The following WDPCP variants were observed in gnomAD, a reference collection of about 807,000 sequenced individuals.
The protein encoded by WDPCP is WD repeat containing planar cell polarity effector.
WDPCP carries 71 observed loss-of-function variants against 93.1 expected under a neutral mutation model. The observed-to-expected ratio is 0.76, with a 90% CI of 0.63 to 0.93. WDPCP has a LOEUF of 0.93. Among genes scored for constraint, WDPCP ranks in the 40% least tolerant of loss-of-function variants. WDPCP has a pLI of 0.00. For synonymous variants in WDPCP, 315 were observed against 315.0 expected, an observed-to-expected ratio of 1.00 and a Z score of 0.00; for missense variants, 844 against 887.4, an observed-to-expected ratio of 0.95 and a Z score of 0.62.
chr2:63,550,192 A>AACAC lies in WDPCP; in HGVS notation c.75+38001_75+38004dup, dbSNP rs56155473. ...ACTATATTTGTCTCCCATCTTAAGAAACACACACACACACACACACACACA... is the reference window on the plus strand; with the variant it reads ...ACTATATTTGTCTCCCATCTTAAGAAACACACACACACACACACACACACACACA... On this transcript the variant is annotated intron_variant, in intron 1 of 17. Transcript: ENST00000272321. Among the ~76,000 whole-genome samples the AACAC allele has an allele frequency of 6.9e-3, 304 of 44,344 alleles. 3 individuals carry two copies. Among genetic ancestry groups the AACAC allele is most frequent in the Non-Finnish European group, 8.8e-3 (243 of 27,562 alleles). The allele number at this position is 44,344 out of a possible 152,430, so 29.1% of individuals were successfully genotyped here.
At chr2:63,786,769 T>C (rs1670471473) in intron 2 of WDPCP, among the ~76,000 whole-genome samples, 1 of 152,114 alleles carries the variant, frequency 6.6e-6, no homozygotes, top group Admixed American at 6.6e-5. Flanking sequence ...TGTAACAACT[T>C]ACAAAATGAA....
chr2:63,267,423 G>C (rs1682231163), intron 13 of WDPCP, among the ~76,000 whole-genome samples: 1 of 152,114 alleles, frequency 6.6e-6, no homozygotes, highest in African/African-American at 2.4e-5. Flanking sequence ...ACATTTGCCT[G>C]GGCAATGATT....
intron 2 of WDPCP, among the ~76,000 whole-genome samples, chr2:63,745,382 C>T (rs1240285115): frequency 2.0e-5 from 3 of 152,188 alleles, no homozygotes; most frequent in African/African-American, 7.2e-5. Flanking sequence ...ATCGTATCAA[C>T]TGGCAATGCT....
At chr2:63,554,335 T>C (rs551676907) in intron 1 of WDPCP, among the ~76,000 whole-genome samples, 8 of 152,330 alleles carry the variant, frequency 5.3e-5, no homozygotes, top group African/African-American at 1.9e-4. Flanking sequence ...GCACACAATG[T>C]CAACTTGTCC....
At chr2:63,829,064 C>T (rs760355464), upstream of WDPCP, among the ~76,000 whole-genome samples, 2 of 151,958 alleles carry the variant, frequency 1.3e-5, no homozygotes, top group Non-Finnish European at 2.9e-5. Context: ...AAAACTCAAA[C>T]ATTATAGATG....
intron 3 of WDPCP, among the ~76,000 whole-genome samples, chr2:63,628,687 T>C (rs1709835022): frequency 6.6e-6 from 1 of 152,238 alleles, no homozygotes; most frequent in African/African-American, 2.4e-5. Flanking sequence ...ATTTGACATC[T>C]TGGTATGTGG....
At chr2:63,373,636 G>T (rs1691599949) in intron 12 of WDPCP, among the ~76,000 whole-genome samples, 2 of 149,250 alleles carry the variant, frequency 1.3e-5, no homozygotes, top group Non-Finnish European at 3.0e-5. Context: ...AATGATTATT[G>T]AGTTTTTGAT....
intron 2 of WDPCP, among the ~76,000 whole-genome samples, chr2:63,659,032 G>C (rs1029498514): frequency 1.3e-5 from 2 of 152,200 alleles, no homozygotes; most frequent in African/African-American, 4.8e-5. Context: ...ATTCACCTTT[G>C]GAAACCAGAA....
intron 12 of WDPCP, among the ~76,000 whole-genome samples, chr2:63,320,071 C>T (rs1285925728): frequency 6.6e-6 from 1 of 151,864 alleles, no homozygotes; most frequent in East Asian, 1.9e-4. Context: ...AATCTATAGC[C>T]TTACATGCTT....
intron 1 of WDPCP, among the ~76,000 whole-genome samples, chr2:63,500,780 T>C (rs1462009913): frequency 6.6e-6 from 1 of 152,206 alleles, no homozygotes; most frequent in African/African-American, 2.4e-5. Flanking sequence ...CTAGTGTGTA[T>C]AATGCTTTGA....
intron 13 of WDPCP, among the ~76,000 whole-genome samples, chr2:63,305,711 C>T (rs939605059): frequency 2.0e-5 from 3 of 152,038 alleles, no homozygotes; most frequent in Non-Finnish European, 4.4e-5. Context: ...ATGAGTGAGA[C>T]GAATTGACAG....
chr2:63,345,246 T>C (rs1575188860), intron 12 of WDPCP, among the ~76,000 whole-genome samples: 1 of 152,292 alleles, frequency 6.6e-6, no homozygotes, highest in East Asian at 1.9e-4. Flanking sequence ...TATTTTCATG[T>C]TAGGACTACA....
intron 13 of WDPCP, among the ~76,000 whole-genome samples, chr2:63,269,842 C>T (rs1389910805): frequency 6.6e-6 from 1 of 152,114 alleles, no homozygotes; most frequent in African/African-American, 2.4e-5. Context: ...CAGGTTTAAA[C>T]CCTGGTCAAA....
chr2:63,217,806 G>A (rs1677475828), intron 14 of WDPCP, among the ~76,000 whole-genome samples: 1 of 152,056 alleles, frequency 6.6e-6, no homozygotes, highest in East Asian at 1.9e-4. Context: ...TTTAAACATC[G>A]ACTTACAGGT....
chr2:63,713,900 T>C (rs893345198), intron 2 of WDPCP, among the ~76,000 whole-genome samples: 2 of 152,216 alleles, frequency 1.3e-5, no homozygotes, highest in Admixed American at 6.5e-5. Flanking sequence ...AAGTGGGCTT[T>C]GCGGCTAATT....
intron 9 of WDPCP, among the ~76,000 whole-genome samples, chr2:63,431,004 A>C (rs1696716652): frequency 1.3e-5 from 2 of 152,108 alleles, no homozygotes; most frequent in South Asian, 4.2e-4. Context: ...AGTCACAGAG[A>C]GCTTATTTCT....
chr2:63,177,198 C>T (rs1347283224), intron 14 of WDPCP, among the ~76,000 whole-genome samples: 1 of 152,044 alleles, frequency 6.6e-6, no homozygotes, highest in Non-Finnish European at 1.5e-5. Flanking sequence ...ACCTCTTTTT[C>T]CCTTTTGAAG....
At chr2:63,592,507 A>G (rs1709219254), upstream of WDPCP, among the ~76,000 whole-genome samples, 2 of 151,908 alleles carry the variant, frequency 1.3e-5, no homozygotes, top group South Asian at 4.2e-4. Context: ...CTGCCACCAC[A>G]CCCAGCTAAA....
At chr2:63,762,845 A>C (rs538578441) in intron 2 of WDPCP, among the ~76,000 whole-genome samples, 4 of 152,204 alleles carry the variant, frequency 2.6e-5, no homozygotes, top group Non-Finnish European at 4.4e-5. Context: ...TTGCGGATTA[A>C]GTTTCAACAT....
Sources: allele counts gnomAD v4.1 joint callset (sites outside exome capture counted in the v4.1 genomes callset), GRCh38; gene constraint gnomAD v4.1.1; transcripts MANE v1.5; gene names NCBI Gene and HGNC (gene_info 2026-07-23, HGNC 2026-07-21).